Variants in KANSL1L observed in about 807,000 individuals in gnomAD.
KANSL1L encodes the protein KAT8 regulatory NSL complex subunit 1 like, also known as KAT8 regulatory NSL complex subunit 1-like protein.
In KANSL1L, 25 loss-of-function variants were observed where a neutral mutation model predicts 108.6. That is an observed-to-expected ratio of 0.23 (90% CI 0.17 to 0.32). The LOEUF (loss-of-function observed/expected upper bound fraction) is 0.32. Ranked by LOEUF, KANSL1L falls within the 10% of genes least tolerant of loss-of-function variation. KANSL1L has a pLI of 1.00. For synonymous variants in KANSL1L, 405 were observed against 395.1 expected (o/e 1.03, Z -0.30); for missense variants, 1,137 against 1,125.7 (o/e 1.01, Z -0.14).
At chr2:210,155,457 T>C (rs1293275804) in intron 1 of KANSL1L, among the ~76,000 whole-genome samples, 1 of 152,046 alleles carries the variant, frequency 6.6e-6, no homozygotes, top group East Asian at 1.9e-4. Context: ...TAAAAACATA[T>C]AACTTCACAG....
chr2:210,088,439 T>A (rs574318189), intron 5 of KANSL1L: 1 of 152,336 alleles, frequency 6.6e-6, no homozygotes, highest in South Asian at 2.1e-4. Flanking sequence ...ACCCAATGAA[T>A]CCAAGATTGA....
At chr2:210,055,130 C>G (rs527682669) in intron 6 of KANSL1L, among the ~76,000 whole-genome samples, 2 of 152,310 alleles carry the variant, frequency 1.3e-5, no homozygotes, top group South Asian at 2.1e-4. Flanking sequence ...TGCTGCTGTT[C>G]TTGTGAATTC....
At chr2:210,080,121 A>C (rs957146217) in intron 5 of KANSL1L, among the ~76,000 whole-genome samples, 16 of 143,600 alleles carry the variant, frequency 1.1e-4, no homozygotes, top group African/African-American at 3.8e-4. Flanking sequence ...CTGCCCTGCC[A>C]CCCTACAACA....
intron 1 of KANSL1L, among the ~76,000 whole-genome samples, chr2:210,165,272 T>C (rs943882070): frequency 7.2e-5 from 11 of 152,056 alleles, no homozygotes; most frequent in Non-Finnish European, 1.3e-4. Context: ...AAAACCAGTC[T>C]GTTATAAAAC....
chr2:210,131,752 T>G lies in KANSL1L; in HGVS notation c.1089-2580A>C, dbSNP rs191170824. On this transcript the variant is annotated intron_variant, in intron 2 of 14. Transcript: ENST00000281772. ...TTTTGCTGTGTCGTCCAGGCTGGAG[T>G]GCAGCGGTGCGATCTCTCCTCATTG... 1.3e-4 allele frequency among the ~76,000 whole-genome samples: 19 copies of G among 150,506 alleles called. No homozygotes were observed. The East Asian group carries it at 3.7e-3, about 29-fold the overall frequency.
intron 1 of KANSL1L, chr2:210,170,731 C>T (rs1246944926): frequency 6.6e-6 from 1 of 152,292 alleles, no homozygotes; most frequent in African/African-American, 2.4e-5. Flanking sequence ...GCCGTCACCA[C>T]ACCCCCAATG....
At chr2:210,110,554 C>A (rs2094893699) in intron 3 of KANSL1L, among the ~76,000 whole-genome samples, 1 of 152,062 alleles carries the variant, frequency 6.6e-6, no homozygotes, top group Admixed American at 6.6e-5. Flanking sequence ...AGGACAAAGT[C>A]TAAGCAGAAT....
intron 6 of KANSL1L, among the ~76,000 whole-genome samples, chr2:210,064,887 T>C (rs192582543): frequency 1.4e-5 from 2 of 143,760 alleles, no homozygotes; most frequent in South Asian, 2.2e-4. Flanking sequence ...AAGTGGAGTA[T>C]AGAAGGAGTA....
rs757761564 is a variant in KANSL1L at position 210,098,105 on chromosome 2, C to A, written c.1531G>T (p.Ala511Ser). The change falls in exon 5 of 15, where the codon GCT becomes TCT. Residue 511 changes from alanine to serine, a missense_variant. This residue lies in a region of KANSL1L where 575 missense variants were observed against 567.1 expected (regional missense o/e 1.01). Transcript: ENST00000281772. ...ACCTACCTCCTGTAAATGCCATTAG[C>A]CAGACATTTATGGCTACAGGATTTG... ...SSKSCSHKCL[A>S]NGIYRSASEN... is the part of the protein sequence containing the mutation. 6.2e-7 allele frequency: 1 copy of A among 1,609,150 alleles called. No homozygotes were observed. The highest frequency in any genetic ancestry group is 1.1e-5 in the South Asian group (1 of 90,340).
chr2:210,054,728 A>G (rs1421696823), intron 6 of KANSL1L, among the ~76,000 whole-genome samples: 1 of 152,040 alleles, frequency 6.6e-6, no homozygotes, highest in Non-Finnish European at 1.5e-5. Context: ...CAATTAGGCA[A>G]GAAAAAGAAA....
chr2:210,101,647 A>T (rs1228666054), intron 4 of KANSL1L, among the ~76,000 whole-genome samples: 1 of 152,204 alleles, frequency 6.6e-6, no homozygotes, highest in Non-Finnish European at 1.5e-5. Flanking sequence ...AAACTAATTT[A>T]AATCAATGCT....
chr2:210,061,254 C>T (rs927904665), intron 6 of KANSL1L, among the ~76,000 whole-genome samples: 11 of 152,110 alleles, frequency 7.2e-5, no homozygotes, highest in Non-Finnish European at 1.2e-4. Context: ...ACCTACAACC[C>T]GCTTCTATAG....
At chr2:210,040,194 ATATTT>A (rs2094148976) in intron 8 of KANSL1L, 1 of 400,370 alleles carries the variant, frequency 2.5e-6, no homozygotes, top group East Asian at 3.7e-5. Flanking sequence ...AATTTTTATT[ATATTT>A]ATCAGTAATA....
At chr2:210,034,966 CAAATGAAATTT>C (rs1304904336) in intron 8 of KANSL1L, among the ~76,000 whole-genome samples, 1 of 152,164 alleles carries the variant, frequency 6.6e-6, no homozygotes, top group East Asian at 1.9e-4. Context: ...TTTCAGACCA[CAAATGAAATTT>C]AGTTGCTGAC....
In KANSL1L at chr2:210,040,547, A is replaced by G; in HGVS notation, c.1922-20T>C. The G allele has an allele frequency of 8.1e-7, 1 of 1,227,358 alleles. No homozygotes were observed. Among genetic ancestry groups the G allele is most frequent in the East Asian group, 2.4e-5 (1 of 41,616 alleles). The allele number at this position is 1,227,358 out of a possible 1,614,324, so 76.0% of individuals were successfully genotyped here. On this transcript the variant is annotated intron_variant, in intron 7 of 14. Coordinates refer to ENST00000281772, the MANE Select transcript of KANSL1L (RefSeq NM_152519.4). ...GCACATCTGGAAAAATAAAATAAAAAAGGTATTTTCAAATACCACTCTTTG... is the reference window on the plus strand; with the variant it reads ...GCACATCTGGAAAAATAAAATAAAAGAGGTATTTTCAAATACCACTCTTTG...
intron 1 of KANSL1L, chr2:210,170,485 T>C (rs1402541566): frequency 1.7e-6 from 1 of 595,512 alleles, no homozygotes; most frequent in Admixed American, 6.3e-5. Context: ...TACCGCCTGG[T>C]ATTTCTTGCT....
At chr2:210,133,000 T>C (rs1575591665) in intron 2 of KANSL1L, among the ~76,000 whole-genome samples, 2 of 152,308 alleles carry the variant, frequency 1.3e-5, no homozygotes, top group East Asian at 3.9e-4. Flanking sequence ...TTTTCAGGTT[T>C]TCTATTTCTC....
At chr2:210,089,544 G>C (rs1025803900) in intron 5 of KANSL1L, among the ~76,000 whole-genome samples, 2 of 151,958 alleles carry the variant, frequency 1.3e-5, no homozygotes, top group Non-Finnish European at 2.9e-5. Context: ...AAGAAGTGAG[G>C]TGTAAAGAGA....
intron 10 of KANSL1L, among the ~76,000 whole-genome samples, chr2:210,029,585 T>C (rs564025190): frequency 6.6e-6 from 1 of 152,188 alleles, no homozygotes; most frequent in Non-Finnish European, 1.5e-5. Context: ...TTTTAACACA[T>C]AAAAAGAAGC....
Sources: gnomAD v4.1 joint callset for allele counts (sites outside exome capture counted in the v4.1 genomes callset) on GRCh38, gnomAD v4.1.1 for gene constraint, gnomAD v4.1.1 regional missense constraint, MANE v1.5 for transcripts, NCBI Gene and HGNC (gene_info 2026-07-23, HGNC 2026-07-21) for gene names.